The following IGF2R variants were observed in gnomAD, a reference collection of about 807,000 sequenced individuals.
IGF2R encodes insulin like growth factor 2 receptor.
Under a neutral mutation model 270.6 loss-of-function variants are expected in IGF2R, and 91 were observed. The ratio of observed to expected loss-of-function variants is 0.34; its 90% CI spans 0.28 to 0.40. The LOEUF (loss-of-function observed/expected upper bound fraction) is 0.40, where lower values mean the gene tolerates loss of function less well. IGF2R is among the 10% of genes least tolerant of loss of function. The probability of loss-of-function intolerance (pLI) is 1.00; values close to 1 mark genes in which losing one functional copy is unlikely to be tolerated. For synonymous variants in IGF2R, 1,316 were observed against 1,258.9 expected (o/e 1.05, Z -0.96); for missense variants, 2,805 against 3,188.3 (o/e 0.88, Z 2.90).
intron 10 of IGF2R, among the ~76,000 whole-genome samples, chr6:160,038,419 C>T (rs775655604): frequency 7.2e-5 from 11 of 152,166 alleles, no homozygotes; most frequent in African/African-American, 1.9e-4. Context: ...GTGTAAGGTA[C>T]GTAGCAATGG....
At chr6:160,047,577 A>G (rs572342765) in intron 16 of IGF2R, among the ~76,000 whole-genome samples, 5 of 152,226 alleles carry the variant, frequency 3.3e-5, no homozygotes, top group Non-Finnish European at 1.5e-5. Flanking sequence ...ATAAAAAAAA[A>G]TCCTGAATTA....
At chr6:160,022,756 C>T (rs776477947) in intron 4 of IGF2R, among the ~76,000 whole-genome samples, 3 of 152,066 alleles carry the variant, frequency 2.0e-5, no homozygotes, top group Non-Finnish European at 4.4e-5. Flanking sequence ...AAAAGTGAGG[C>T]TGAGTATGGG....
In IGF2R at chr6:160,059,253, C is replaced by T. The variant is rs533123739; in HGVS notation, c.3091+155C>T. Among the ~76,000 whole-genome samples, 129 of 152,244 alleles carry T rather than the reference C, an allele frequency of 8.5e-4. 1 individual carries two copies. Among genetic ancestry groups the T allele is most frequent in the Non-Finnish European group, 5.6e-4 (38 of 68,026 alleles). On this transcript the variant is annotated intron_variant, in intron 22 of 47. Transcript: ENST00000356956. ...AGGAGCCATCACGGTGGTCTTCCTG[C>T]GTTTGACCTCGCAGAATACAGGGGT...
At chr6:160,011,491 T>C (rs1363641639) in intron 4 of IGF2R, among the ~76,000 whole-genome samples, 1 of 152,042 alleles carries the variant, frequency 6.6e-6, no homozygotes, top group African/African-American at 2.4e-5. Context: ...TTTTGAAATA[T>C]GTATACATTG....
chr6:160,039,740 C>G (rs1219966724), intron 10 of IGF2R, among the ~76,000 whole-genome samples: 1 of 152,092 alleles, frequency 6.6e-6, no homozygotes, highest in Non-Finnish European at 1.5e-5. Flanking sequence ...CCACGGACCC[C>G]TAGCCTGGAA....
At chr6:159,971,818 T>C (rs1321928749) in intron 1 of IGF2R, among the ~76,000 whole-genome samples, 1 of 152,124 alleles carries the variant, frequency 6.6e-6, no homozygotes, top group Non-Finnish European at 1.5e-5. Flanking sequence ...TGGCTTATTA[T>C]ATATTTTTTA....
chr6:160,059,277 G>T (rs1416017031), intron 22 of IGF2R, among the ~76,000 whole-genome samples, 179 bp downstream of exon 22: 1 of 151,782 alleles, frequency 6.6e-6, no homozygotes, highest in East Asian at 1.9e-4. Context: ...GAATACAGGG[G>T]TCCCGTTATC....
rs150949542 is a variant in IGF2R, at chr6:160,081,233, C to T, written c.5833+958C>T. On this transcript the variant is annotated intron_variant, in intron 39 of 47. Transcript: ENST00000356956. ...CTTTTCTATTTCCCTAAGTGTTGGCCGGTCTGAGAAATAAGGGGAAAGAGT... is the reference window on the plus strand; with the variant it reads ...CTTTTCTATTTCCCTAAGTGTTGGCTGGTCTGAGAAATAAGGGGAAAGAGT... 3.8e-4 allele frequency among the ~76,000 whole-genome samples: 58 copies of T among 152,024 alleles called. No individual in the cohort carries two copies. In the East Asian group the frequency reaches 8.1e-3, roughly 21 times the overall value.
At chr6:160,065,814 G>GTGTGTGTATGTATATATATA in intron 29 of IGF2R, among the ~76,000 whole-genome samples, 1 of 78,392 alleles carries the variant, frequency 1.3e-5, no homozygotes. Context: ...GTGTGTGTGT[G>GTGTGTGTATGTATATATATA]TATATATATA....
At chr6:160,034,340 A>G in intron 9 of IGF2R, 79 bp from the exon 10 acceptor site, 1 of 882,964 alleles carries the variant, frequency 1.1e-6, no homozygotes, top group Non-Finnish European at 1.9e-6. Context: ...CAAAAGGCTT[A>G]ATGTAGACAT....
intron 44 of IGF2R, 67 bp downstream of exon 44, chr6:160,090,170 A>G (rs763801010): frequency 5.0e-5 from 57 of 1,145,104 alleles, no homozygotes; most frequent in Admixed American, 6.3e-5. Context: ...AAAATTTTCA[A>G]CTAACTCCCT....
chr6:160,029,091 T>A (rs895590677), intron 6 of IGF2R, among the ~76,000 whole-genome samples: 3 of 152,130 alleles, frequency 2.0e-5, no homozygotes, highest in African/African-American at 7.2e-5. Flanking sequence ...CAAGTGATTC[T>A]CCTGCCTCAG....
Position 160,047,242 on chromosome 6 carries a change from G to T in IGF2R, c.2135G>T (p.Gly712Val). The T allele has an allele frequency of 1.9e-6, 3 of 1,613,844 alleles. No individual in the cohort carries two copies. The highest frequency in any genetic ancestry group is 2.5e-6 in the Non-Finnish European group (3 of 1,179,898). Residue 712 changes from glycine to valine, a missense_variant, in exon 16 of 48, where the codon GGC becomes GTC. Coordinates refer to ENST00000356956, the MANE Select transcript of IGF2R (RefSeq NM_000876.4). ...ATGATCCAACTGAACTACAGAGGCG[G>T]CACACCCTATAACAATGAAAGACAC... Reference protein sequence around the residue: ...DGMIQLNYRGGTPYNNERHTP... With the variant: ...DGMIQLNYRGVTPYNNERHTP...
At chr6:160,042,553 C>T (rs750851688) in intron 11 of IGF2R, among the ~76,000 whole-genome samples, 3 of 152,214 alleles carry the variant, frequency 2.0e-5, no homozygotes, top group Non-Finnish European at 2.9e-5. Flanking sequence ...TGCCCCCTCA[C>T]GTCCTGCAGG....
chr6:160,006,192 G>A (rs968827248), intron 2 of IGF2R: 2 of 131,216 alleles, frequency 1.5e-5, no homozygotes, highest in African/African-American at 6.2e-5. Context: ...TGCGCCTGCT[G>A]CGCCCCACGC....
In IGF2R at chr6:160,105,088, C is replaced by T. The variant is rs775122540; in HGVS notation, c.*4C>T. On this transcript the variant is annotated 3_prime_UTR_variant, in exon 48 of 48. Transcript: ENST00000356956. ...CGAGGACCTCTTACACATCTGACTC[C>T]GCAGTGCCTGCAGGGGAGCACGGAG... The T allele has an allele frequency of 1.0e-4, 162 of 1,559,788 alleles. No individual in the cohort carries two copies. The highest frequency in any genetic ancestry group is 1.3e-4 in the Non-Finnish European group (147 of 1,151,806).
Position 160,061,780 on chromosome 6 carries a change from C to T in IGF2R, c.3434C>T (p.Ser1145Leu), listed in dbSNP as rs774986880. ...QGSAVGSCLVSEGNSWNLGVV... is the reference protein window; with the variant it reads ...QGSAVGSCLVLEGNSWNLGVV... ...AGCGCAGTGGGGTCTTGCTTAGTGTCAGAAGGCAATAGCTGGAATCTGGGT... is the reference window on the plus strand; with the variant it reads ...AGCGCAGTGGGGTCTTGCTTAGTGTTAGAAGGCAATAGCTGGAATCTGGGT... Residue 1145 changes from serine to leucine, a missense_variant, in exon 25 of 48, where the codon TCA (serine) becomes TTA (leucine). Ser to Leu is a moderately radical substitution (Grantham distance 145). This residue lies in a region of IGF2R where 1,851 missense variants were observed against 2,207.2 expected (regional missense o/e 0.84). Coordinates refer to ENST00000356956, the MANE Select transcript of IGF2R (RefSeq NM_000876.4). 1.2e-6 allele frequency: 2 copies of T among 1,614,050 alleles called. No homozygotes were observed. The highest frequency in any genetic ancestry group is 2.2e-5 in the South Asian group (2 of 91,082).
At chr6:159,974,338 T>TA (rs1284132671) in intron 1 of IGF2R, among the ~76,000 whole-genome samples, 1 of 152,240 alleles carries the variant, frequency 6.6e-6, no homozygotes, top group African/African-American at 2.4e-5. Flanking sequence ...TAGTGTCCTT[T>TA]AAAAATCATA....
chr6:159,983,861 G>A (rs529437413), intron 1 of IGF2R, among the ~76,000 whole-genome samples: 5 of 152,302 alleles, frequency 3.3e-5, no homozygotes, highest in East Asian at 3.9e-4. Context: ...GGAAGGAGCC[G>A]GCTGAGGGAC....
Sources: allele counts gnomAD v4.1 joint callset (sites outside exome capture counted in the v4.1 genomes callset), GRCh38; gene constraint gnomAD v4.1.1; regional missense constraint gnomAD v4.1.1; transcripts MANE v1.5; gene names NCBI Gene and HGNC (gene_info 2026-07-23, HGNC 2026-07-21).